Variants in MID2 observed in about 807,000 individuals in gnomAD.
MID2 encodes the protein probable E3 ubiquitin-protein ligase MID2.
A neutral mutation model predicts 46.1 loss-of-function variants in MID2; 13 were observed. That is an observed-to-expected ratio of 0.28 (90% CI 0.18 to 0.45). MID2 has a LOEUF of 0.45. Among genes scored for constraint, MID2 ranks in the 20% least tolerant of loss-of-function variants. MID2 has a pLI of 1.00. For missense variants in MID2, 431 were observed against 575.4 expected, an observed-to-expected ratio of 0.75 and a Z score of 2.57; for synonymous variants, 199 against 212.3, an observed-to-expected ratio of 0.94 and a Z score of 0.55.
chrX:107,888,018 C>A (rs1254080081), intron 3 of MID2, among the ~76,000 whole-genome samples: 1 of 111,263 alleles, frequency 9.0e-6, no homozygotes, highest in Non-Finnish European at 1.9e-5. Context: ...TCTCTCTTTT[C>A]TTCTTTATTA....
intron 5 of MID2, among the ~76,000 whole-genome samples, chrX:107,909,578 C>T (rs1932867188): frequency 8.9e-6 from 1 of 112,080 alleles, no homozygotes; most frequent in South Asian, 3.7e-4. Flanking sequence ...TTAGGGAACT[C>T]ATTGGGCTCT....
chrX:107,837,385 C>A (rs1214082178), intron 1 of MID2, among the ~76,000 whole-genome samples: 2 of 110,807 alleles, frequency 1.8e-5, no homozygotes, highest in Non-Finnish European at 3.8e-5. Flanking sequence ...GCATACAGTT[C>A]TAGAAGAGAT....
chrX:107,899,039 G>C (rs1277262987), intron 3 of MID2, among the ~76,000 whole-genome samples: 2 of 110,872 alleles, frequency 1.8e-5, no homozygotes, highest in Non-Finnish European at 1.9e-5. Flanking sequence ...CTATAGGACT[G>C]ATGGATGTGA....
intron 6 of MID2, among the ~76,000 whole-genome samples, 193 bp downstream of exon 6, chrX:107,916,322 C>G (rs974676234): frequency 3.6e-5 from 4 of 112,181 alleles, no homozygotes; most frequent in Non-Finnish European, 7.5e-5. Context: ...GATTTGTTAA[C>G]TATTTCTAGG....
At chrX:107,917,369 T>G in intron 6 of MID2, 137 bp from the exon 7 acceptor site, 1 of 536,041 alleles carries the variant, frequency 1.9e-6, no homozygotes, top group South Asian at 3.3e-5. Context: ...TCAGGTTGCA[T>G]GGTTCATGCA....
chrX:107,893,180 A>T (rs1163615896), intron 3 of MID2, among the ~76,000 whole-genome samples: 1 of 112,562 alleles, frequency 8.9e-6, no homozygotes, highest in African/African-American at 3.2e-5. Context: ...TATTATTGAA[A>T]TATCTCCCAT....
At chrX:107,923,251 C>A (rs1933106608) in intron 7 of MID2, among the ~76,000 whole-genome samples, 2 of 112,132 alleles carry the variant, frequency 1.8e-5, no homozygotes, top group African/African-American at 6.5e-5. Flanking sequence ...CCTCGCCTTT[C>A]CCTTTCTACC....
intron 1 of MID2, among the ~76,000 whole-genome samples, chrX:107,836,205 T>C (rs1931197533): frequency 8.9e-6 from 1 of 112,190 alleles, no homozygotes; most frequent in Non-Finnish European, 1.9e-5. Context: ...AGTTTTATCC[T>C]AAGTTTGATT....
rs779103208 is a variant in MID2 at position 107,869,364 on chromosome X, A to AT, written c.816+14664dup. Among the ~76,000 whole-genome samples the AT allele has an allele frequency of 4.5e-5, 5 of 111,170 alleles. No homozygotes were observed. The South Asian group carries it at 1.5e-3, about 33-fold the overall frequency. ...TCCATTCTTACGCCAATACCTTACT[A>AT]TTTTGATTATACTGACTTTTTGGTA... On this transcript the variant is annotated intron_variant, in intron 3 of 9. Coordinates refer to ENST00000262843, the MANE Select transcript of MID2 (RefSeq NM_012216.4).
At chrX:107,900,366 A>G (rs1418513067) in intron 3 of MID2, among the ~76,000 whole-genome samples, 1 of 111,850 alleles carries the variant, frequency 8.9e-6, no homozygotes, top group Non-Finnish European at 1.9e-5. Flanking sequence ...AAAGTAGTGT[A>G]AAATCTTCCC....
intron 7 of MID2, among the ~76,000 whole-genome samples, chrX:107,921,416 C>T (rs770130683): frequency 2.3e-4 from 26 of 111,227 alleles, no homozygotes; most frequent in Non-Finnish European, 3.4e-4. Flanking sequence ...GTAGTTGCTA[C>T]TTTTTCTTTT....
At chrX:107,850,804 G>C (rs1931594815) in intron 2 of MID2, among the ~76,000 whole-genome samples, 1 of 111,803 alleles carries the variant, frequency 8.9e-6, no homozygotes, top group Non-Finnish European at 1.9e-5. Context: ...ATGAGTCTCA[G>C]TTCTGGGCCA....
chrX:107,867,356 T>C (rs1202406109), intron 3 of MID2, among the ~76,000 whole-genome samples: 1 of 106,953 alleles, frequency 9.3e-6, no homozygotes, highest in African/African-American at 3.4e-5. Flanking sequence ...AGAGACGGGG[T>C]TTCACCTTGT....
intron 3 of MID2, among the ~76,000 whole-genome samples, chrX:107,889,455 C>G (rs1430217378): frequency 1.8e-5 from 2 of 111,871 alleles, no homozygotes; most frequent in African/African-American, 6.5e-5. Context: ...GGCCCCCACT[C>G]TCTTCTGGCT....
intron 3 of MID2, among the ~76,000 whole-genome samples, chrX:107,889,869 C>G (rs1436223559): frequency 4.5e-5 from 5 of 111,487 alleles, no homozygotes; most frequent in Non-Finnish European, 7.5e-5. Context: ...TCATTCATTT[C>G]ATCTTCCATC....
chrX:107,923,032 C>T (rs750620886), intron 7 of MID2, among the ~76,000 whole-genome samples: 1 of 112,179 alleles, frequency 8.9e-6, no homozygotes, highest in African/African-American at 3.2e-5. Context: ...TCCACCAATT[C>T]TTCCTCCTCT....
rs1931328549 is a variant in MID2, at chrX:107,840,961, T to C, written c.296T>C (p.Leu99Pro). The change falls in exon 2 of 10, where the codon CTG (leucine) becomes CCG (proline). Residue 99 changes from leucine (L) to proline (P), a missense_variant. Coordinates refer to ENST00000262843, the MANE Select transcript of MID2 (RefSeq NM_012216.4). ...GATGGCCTCAAGAGGAATGTGACTC[T>C]GCAGAACATTATTGATCGCTTCCAG... is the stretch of plus-strand genomic sequence containing the variant. ...GLDGLKRNVT[L>P]QNIIDRFQKA... is the part of the protein sequence containing the mutation. 1.6e-5 allele frequency: 19 copies of C among 1,211,839 alleles called. No homozygotes were observed. Among genetic ancestry groups the C allele is most frequent in the Non-Finnish European group, 2.1e-5 (19 of 895,559 alleles).
At chrX:107,828,563 C>T (rs1931018808) in intron 1 of MID2, among the ~76,000 whole-genome samples, 2 of 111,600 alleles carry the variant, frequency 1.8e-5, no homozygotes, top group Admixed American at 1.9e-4. Flanking sequence ...CTGAGGGCCT[C>T]GCCAAGTGCT....
intron 2 of MID2, among the ~76,000 whole-genome samples, chrX:107,848,916 G>A (rs1260500000): frequency 8.9e-6 from 1 of 112,103 alleles, no homozygotes; most frequent in Non-Finnish European, 1.9e-5. Context: ...TGAAAATGTC[G>A]GTGCATAGAC....
Sources: gnomAD v4.1 joint callset for allele counts (sites outside exome capture counted in the v4.1 genomes callset) on GRCh38, gnomAD v4.1.1 for gene constraint, MANE v1.5 for transcripts, NCBI Gene and HGNC (gene_info 2026-07-23, HGNC 2026-07-21) for gene names.